SLC26A5: variants seen among roughly 807,000 people sequenced by gnomAD.
SLC26A5 encodes prestin.
Under a neutral mutation model 81.0 loss-of-function variants are expected in SLC26A5, and 51 were observed. The ratio of observed to expected loss-of-function variants is 0.63; its 90% CI spans 0.50 to 0.80. The LOEUF (loss-of-function observed/expected upper bound fraction) is 0.80. Among genes scored for constraint, SLC26A5 ranks in the 30% least tolerant of loss-of-function variants. The pLI is 0.00. For synonymous variants in SLC26A5, 325 were observed against 332.8 expected, an observed-to-expected ratio of 0.98 and a Z score of 0.25; for missense variants, 771 against 905.8, an observed-to-expected ratio of 0.85 and a Z score of 1.91.
At chr7:103,374,154 T>A, downstream of SLC26A5, 1 of 1,280,688 alleles carries the variant, frequency 7.8e-7, no homozygotes, top group Non-Finnish European at 9.9e-7. Flanking sequence ...ACAAAGATAA[T>A]ACTAGAATGT....
intron 18 of SLC26A5, among the ~76,000 whole-genome samples, chr7:103,377,189 A>T (rs1441771355): frequency 1.3e-5 from 2 of 152,240 alleles, no homozygotes; most frequent in African/African-American, 4.8e-5. Flanking sequence ...TAGTTTACTC[A>T]TGCTGGTCTT....
intron 9 of SLC26A5, 76 bp downstream of exon 9, chr7:103,397,856 G>A: frequency 9.4e-7 from 1 of 1,061,328 alleles, no homozygotes; most frequent in Non-Finnish European, 1.5e-6. Context: ...CATTGCAAGA[G>A]AACTAATGTA....
At chr7:103,429,094 G>C (rs1015098375) in intron 2 of SLC26A5, among the ~76,000 whole-genome samples, 1 of 152,080 alleles carries the variant, frequency 6.6e-6, no homozygotes, top group Non-Finnish European at 1.5e-5. Flanking sequence ...ACAGTATCTG[G>C]CAAGTTTCAA....
intron 15 of SLC26A5, among the ~76,000 whole-genome samples, 188 bp from the exon 16 acceptor site, chr7:103,379,523 C>T (rs974568440): frequency 6.6e-6 from 1 of 151,034 alleles, no homozygotes; most frequent in Non-Finnish European, 1.5e-5. Flanking sequence ...AAAAAAGTCA[C>T]TCTTATCTAC....
At chr7:103,397,104 GAAAA>G (rs771771741) in intron 9 of SLC26A5, among the ~76,000 whole-genome samples, 1 of 89,524 alleles carries the variant, frequency 1.1e-5, no homozygotes, top group Non-Finnish European at 2.4e-5. Context: ...CAAAAAAAAA[GAAAA>G]AAAAAAAAAG....
chr7:103,371,042 T>C (rs1821002638), downstream of SLC26A5, among the ~76,000 whole-genome samples: 1 of 152,252 alleles, frequency 6.6e-6, no homozygotes, highest in Non-Finnish European at 1.5e-5. Flanking sequence ...TTATATATTA[T>C]TTCCTTGAAA....
chr7:103,353,865 A>G (rs1819871699), intron 19 of SLC26A5: 3 of 1,479,948 alleles, frequency 2.0e-6, no homozygotes, highest in Non-Finnish European at 2.8e-6. Context: ...TTTCTTTTTT[A>G]AAAATTTTAA....
At chr7:103,432,870 G>A (rs1332103874) in intron 2 of SLC26A5, among the ~76,000 whole-genome samples, 1 of 151,998 alleles carries the variant, frequency 6.6e-6, no homozygotes, top group Non-Finnish European at 1.5e-5. Context: ...TGGTTTTAGT[G>A]GGTCCTGGAC....
chr7:103,426,860 T>C (rs543338952), intron 2 of SLC26A5, among the ~76,000 whole-genome samples: 12 of 152,286 alleles, frequency 7.9e-5, no homozygotes, highest in Middle Eastern at 3.4e-3. Context: ...AGTGTGCTGA[T>C]TGAAATTATA....
At chr7:103,421,312 C>A in intron 3 of SLC26A5, 51 bp downstream of exon 3, 1 of 1,600,764 alleles carries the variant, frequency 6.2e-7, no homozygotes, top group Non-Finnish European at 8.6e-7. Flanking sequence ...GACCTTGCGC[C>A]TCTCATAACT....
chr7:103,417,966 C>A (rs1825057360), intron 4 of SLC26A5, among the ~76,000 whole-genome samples: 1 of 152,038 alleles, frequency 6.6e-6, no homozygotes, highest in Non-Finnish European at 1.5e-5. Context: ...AGTCTTGAAC[C>A]CCTGACCTCA....
chr7:103,389,962 G>T (rs1369291386), intron 12 of SLC26A5, among the ~76,000 whole-genome samples: 2 of 152,092 alleles, frequency 1.3e-5, no homozygotes, highest in African/African-American at 4.8e-5. Context: ...AAACCTGCAT[G>T]GTGGCCAAGA....
intron 8 of SLC26A5, among the ~76,000 whole-genome samples, chr7:103,405,309 T>C (rs940781885): frequency 5.9e-5 from 9 of 152,226 alleles, no homozygotes; most frequent in Admixed American, 4.6e-4. Context: ...TTTTTCCTCA[T>C]CTTCATGGAT....
rs568817627 is a variant in SLC26A5, at chr7:103,394,146, G to A, written c.972-1080C>T. Among the ~76,000 whole-genome samples the A allele has an allele frequency of 2.6e-5, 4 of 152,250 alleles. No individual in the cohort carries two copies. In the East Asian group the frequency reaches 7.7e-4, roughly 29 times the overall value. ...TTCTCTTACTATGTCATAGCACAGT[G>A]ACGGAAGGGATGTTTCACATCGTGA... On this transcript the variant is annotated intron_variant, in intron 9 of 19. Transcript: ENST00000306312.
intron 2 of SLC26A5, among the ~76,000 whole-genome samples, chr7:103,430,448 T>A (rs1174569822): frequency 1.3e-5 from 2 of 152,186 alleles, no homozygotes; most frequent in Admixed American, 1.3e-4. Flanking sequence ...AATTTCCTTA[T>A]CTGTAAATGG....
chr7:103,422,751 T>G (rs1328913460), intron 2 of SLC26A5, among the ~76,000 whole-genome samples: 1 of 152,150 alleles, frequency 6.6e-6, no homozygotes, highest in African/African-American at 2.4e-5. Flanking sequence ...GTCTGTACAT[T>G]TGAACTATAT....
At position 103,354,755 on chromosome 7, in the gene SLC26A5, G is replaced by A. The variant is rs1819936710; in HGVS notation, c.2042-1829C>T. On this transcript the variant is annotated intron_variant, in intron 19 of 19. Coordinates refer to the SLC26A5 transcript ENST00000339444. The stretch of plus-strand genomic sequence containing the variant: ...TCAGGAATACCTCTCTACTTCACAA[G>A]CTTTGGGATAATGATAGCTATTGAA... 6 of 676,808 alleles carry A rather than the reference G, an allele frequency of 8.9e-6. No individual in the cohort carries two copies. In the Admixed American group the frequency reaches 1.3e-4, roughly 14 times the overall value. 41.9% of individuals were successfully genotyped at this position (676,808 alleles called of 1,614,324 possible). A position where few individuals can be genotyped will look rare whatever the true frequency, so the allele number is the denominator to read the frequency against.
chr7:103,364,355 A>T (rs1391438981), intron 19 of SLC26A5: 1 of 1,591,690 alleles, frequency 6.3e-7, no homozygotes, highest in Admixed American at 1.7e-5. Flanking sequence ...AAGATTTTAC[A>T]GTATGAATGA....
chr7:103,376,052 G>A (rs1057330356), intron 19 of SLC26A5, among the ~76,000 whole-genome samples: 33 of 148,730 alleles, frequency 2.2e-4, no homozygotes, highest in East Asian at 4.0e-4. Flanking sequence ...CCACCACGCC[G>A]GGCTCCTTTT....
Sources: allele counts gnomAD v4.1 joint callset (sites outside exome capture counted in the v4.1 genomes callset), GRCh38; gene constraint gnomAD v4.1.1; transcripts MANE v1.5; gene names NCBI Gene and HGNC (gene_info 2026-07-23, HGNC 2026-07-21).